The following NSMF variants were observed in gnomAD, a reference collection of about 807,000 sequenced individuals.
NSMF encodes NMDA receptor synaptonuclear signaling and neuronal migration factor.
NSMF carries 31 observed loss-of-function variants against 71.0 expected under a neutral mutation model. That is an observed-to-expected ratio of 0.44 (90% CI 0.33 to 0.59). The LOEUF is 0.59. Among genes scored for constraint, NSMF ranks in the 20% least tolerant of loss-of-function variants. The probability of loss-of-function intolerance (pLI) is 0.04; values close to 1 mark genes in which losing one functional copy is unlikely to be tolerated. For synonymous variants in NSMF, 345 were observed against 287.1 expected (o/e 1.20, Z -2.04); for missense variants, 673 against 740.5 (o/e 0.91, Z 1.06).
In NSMF at chr9:137,455,667, G is replaced by C. The variant is rs1008764968; in HGVS notation, c.705-33C>G. 7 of 1,550,362 alleles carry C rather than the reference G, an allele frequency of 4.5e-6. No individual in the cohort carries two copies. In the South Asian group the frequency reaches 7.1e-5, roughly 16 times the overall value. On this transcript the variant is annotated intron_variant, in intron 4 of 15. Coordinates refer to ENST00000371475, the MANE Select transcript of NSMF (RefSeq NM_001130969.3). ...CAGGGCCAGAAGGGATGGCGTGAGA[G>C]AGAAGACACAGTGAGCTCAACCCCG...
Position 137,450,261 on chromosome 9 carries a change from A to C in NSMF, c.1237-6T>G, listed in dbSNP as rs1384582987. On this transcript the variant is annotated splice_region_variant and splice_polypyrimidine_tract_variant and intron_variant, in intron 12 of 15. Coordinates refer to ENST00000371475, the MANE Select transcript of NSMF (RefSeq NM_001130969.3). The stretch of plus-strand genomic sequence containing the variant: ...TAGAGGTGTCCAGGACCTCCCTGTA[A>C]GAAGCTGTGGTCAGGCATCTGCTCC... The C allele has an allele frequency of 6.2e-7, 1 of 1,612,400 alleles. No homozygotes were observed. The highest frequency in any genetic ancestry group is 1.7e-5 in the Admixed American group (1 of 59,998).
In NSMF at chr9:137,452,544, G is replaced by A. The variant is rs779627909; in HGVS notation, c.1165+9C>T. ...GAACCAGCAGAGAGAAGGCCAATGA[G>A]GCACATACCAAGGATGTCCTCGAAG... On this transcript the variant is annotated intron_variant, in intron 11 of 15. Transcript: ENST00000371475. The A allele has an allele frequency of 8.7e-6, 14 of 1,612,626 alleles. No homozygotes were observed. In the South Asian group the frequency reaches 1.2e-4, roughly 14 times the overall value.
At chr9:137,450,305 G>T (rs375866307) in intron 12 of NSMF, 50 bp from the exon 13 acceptor site, 2 of 1,459,562 alleles carry the variant, frequency 1.4e-6, no homozygotes, top group East Asian at 2.3e-5. Flanking sequence ...CCCCCTCTCC[G>T]ACACACATGC....
At chr9:137,452,699 G>C in intron 10 of NSMF, 37 bp downstream of exon 10, 1 of 1,602,370 alleles carries the variant, frequency 6.2e-7, no homozygotes, top group Non-Finnish European at 8.5e-7. Context: ...GGCCGCAAGA[G>C]GGCATCTGTT....
chr9:137,453,668 G>A lies in NSMF; in HGVS notation c.922+63C>T, dbSNP rs915400365. ...CAGCGGCCCTGGCAGGGGACCCCCAGCAGGGGTCTGGGGTCTAGGGGAGGC... is the reference window on the plus strand; with the variant it reads ...CAGCGGCCCTGGCAGGGGACCCCCAACAGGGGTCTGGGGTCTAGGGGAGGC... On this transcript the variant is annotated intron_variant, in intron 8 of 15. Transcript: ENST00000371475. This position sits in a 1 kb window ranked among gnomAD's most constrained non-coding sequence, Gnocchi z 4.5. The A allele has an allele frequency of 5.2e-6, 7 of 1,338,946 alleles. No homozygotes were observed. The highest frequency in any genetic ancestry group is 2.6e-5 in the South Asian group (2 of 78,408). 82.9% of individuals were successfully genotyped at this position (1,338,946 alleles called of 1,614,324 possible).
At position 137,457,598 on chromosome 9, in the gene NSMF, C is replaced by T. The variant is rs755407060; in HGVS notation, c.437G>A (p.Ser146Asn). 4 of 1,558,610 alleles carry T rather than the reference C, an allele frequency of 2.6e-6. No individual in the cohort carries two copies. The highest frequency in any genetic ancestry group is 3.5e-6 in the Non-Finnish European group (4 of 1,151,546). The change falls in exon 3 of 16, where the codon AGC becomes AAC. Residue 146 changes from serine to asparagine, a missense_variant. Around this residue, in one of 2 missense-constraint regions of NSMF, gnomAD observed 471 missense variants for 459.6 expected, o/e 1.02. Coordinates refer to ENST00000371475, the MANE Select transcript of NSMF (RefSeq NM_001130969.3). ...SQPLRASPGG[S>N]REDVSRPCQS... Reference sequence around the variant, plus strand: ...GCAGGGCCTGCTGACGTCCTCCCGGCTGCCACCAGGGCTGGCGCGCAGGGG... The same window carrying T: ...GCAGGGCCTGCTGACGTCCTCCCGGTTGCCACCAGGGCTGGCGCGCAGGGG...
intron 1 of NSMF, 59 bp from the exon 2 acceptor site, chr9:137,458,608 C>T (rs1830992001): frequency 6.7e-7 from 1 of 1,491,506 alleles, no homozygotes; most frequent in Non-Finnish European, 9.1e-7. Context: ...AAACACCGGG[C>T]CGCGCAAGAG....
intron 12 of NSMF, among the ~76,000 whole-genome samples, chr9:137,450,850 G>A (rs146336168): frequency 0.02 from 252 of 12,914 alleles, 8 homozygotes; most frequent in South Asian, 0.03. Context: ...TGCCCGCCAC[G>A]CCTCTTCCTT....
At position 137,455,616 on chromosome 9, in the gene NSMF, T is replaced by C; in HGVS notation, c.710+13A>G. 3 of 1,550,272 alleles carry C rather than the reference T, an allele frequency of 1.9e-6. No homozygotes were observed. Among genetic ancestry groups the C allele is most frequent in the Middle Eastern group, 1.7e-4 (1 of 5,992 alleles). On this transcript the variant is annotated intron_variant, in intron 5 of 15. Transcript: ENST00000371475. ...AGCTGTGCCCTTAGGCACCAAGTCA[T>C]ACAGGTACTTACGAGATGCTGAAGC...
rs1830602365 is a variant in NSMF, at chr9:137,452,753, T to C, written c.1114A>G (p.Ile372Val). The part of the protein sequence containing the change: ...PTIIRRDDPS[I>V]IPILYDHEHA... Reference sequence around the variant, plus strand: ...GGACTCACGTAGAGGATGGGGATGATGGAGGGGTCATCCCGGCGGATGATA... The same window carrying C: ...GGACTCACGTAGAGGATGGGGATGACGGAGGGGTCATCCCGGCGGATGATA... Residue 372 changes from isoleucine (I) to valine (V), a missense_variant, in exon 10 of 16, where the codon ATC (isoleucine) becomes GTC (valine). Coordinates refer to ENST00000371475, the MANE Select transcript of NSMF (RefSeq NM_001130969.3). The C allele has an allele frequency of 3.1e-6, 5 of 1,606,774 alleles. No individual in the cohort carries two copies. Among genetic ancestry groups the C allele is most frequent in the South Asian group, 1.1e-5 (1 of 90,158 alleles).
In NSMF at chr9:137,448,205, G is replaced by A. The variant is rs1016208088; in HGVS notation, c.*1189C>T. On this transcript the variant is annotated 3_prime_UTR_variant, in exon 16 of 16. Coordinates refer to ENST00000371475, the MANE Select transcript of NSMF (RefSeq NM_001130969.3). The surrounding 1 kb of genome is among the most constrained non-coding windows in gnomAD (Gnocchi z 5.3). ...GGAAGGCCCCTGGAAAGCACTGAGAGGACAGACCCACGCGGCGGCCGCGGT... is the reference window on the plus strand; with the variant it reads ...GGAAGGCCCCTGGAAAGCACTGAGAAGACAGACCCACGCGGCGGCCGCGGT... 2.6e-5 allele frequency: 4 copies of A among 152,742 alleles called. No homozygotes were observed. The highest frequency in any genetic ancestry group is 1.3e-4 in the Admixed American group (2 of 15,288). The allele number at this position is 152,742 out of a possible 1,614,324, so 9.5% of individuals were successfully genotyped here.
rs1839720867 is a variant in NSMF at position 137,448,616 on chromosome 9, T to A, written c.*778A>T. The A allele has an allele frequency of 1.3e-5, 2 of 153,320 alleles. No individual in the cohort carries two copies. Among genetic ancestry groups the A allele is most frequent in the African/African-American group, 4.8e-5 (2 of 41,424 alleles). The allele number at this position is 153,320 out of a possible 1,614,324, so 9.5% of individuals were successfully genotyped here. On this transcript the variant is annotated 3_prime_UTR_variant, in exon 16 of 16. Coordinates refer to ENST00000371475, the MANE Select transcript of NSMF (RefSeq NM_001130969.3). This position sits in a 1 kb window ranked among gnomAD's most constrained non-coding sequence, Gnocchi z 5.3. ...TAAAAGCTGAACTCAACAGCAGCAA[T>A]GAGAGTGCTGGGTGGGCTTGGGGGG...
At position 137,449,684 on chromosome 9, in the gene NSMF, G is replaced by A. The variant is rs1282220439; in HGVS notation, c.1420-10C>T. The A allele has an allele frequency of 6.2e-7, 1 of 1,611,148 alleles. No individual in the cohort carries two copies. The highest frequency in any genetic ancestry group is 1.1e-5 in the South Asian group (1 of 90,764). ...TGAGGTTCTGGAACAGCTGGAGGAA[G>A]CGGGGTGCCATGAGTCCGAGGCAGA... On this transcript the variant is annotated splice_polypyrimidine_tract_variant and intron_variant, in intron 14 of 15. Coordinates refer to ENST00000371475, the MANE Select transcript of NSMF (RefSeq NM_001130969.3).
At position 137,453,673 on chromosome 9, in the gene NSMF, G is replaced by T; in HGVS notation, c.922+58C>A. The T allele has an allele frequency of 1.5e-6, 2 of 1,372,308 alleles. No homozygotes were observed. Among genetic ancestry groups the T allele is most frequent in the Non-Finnish European group, 2.0e-6 (2 of 995,852 alleles). The allele number at this position is 1,372,308 out of a possible 1,614,324, so 85.0% of individuals were successfully genotyped here. A position where few individuals can be genotyped will look rare whatever the true frequency, so the allele number is the denominator to read the frequency against. On this transcript the variant is annotated intron_variant, in intron 8 of 15. Transcript: ENST00000371475. The surrounding 1 kb of genome is among the most constrained non-coding windows in gnomAD (Gnocchi z 4.5). ...GCCCTGGCAGGGGACCCCCAGCAGG[G>T]GTCTGGGGTCTAGGGGAGGCTCTGG...
chr9:137,454,361 C>G, intron 7 of NSMF, 30 bp downstream of exon 7: 1 of 1,544,042 alleles, frequency 6.5e-7, no homozygotes, highest in Non-Finnish European at 8.8e-7. Context: ...CGCAACGCCG[C>G]CCCCCCACCC....
chr9:137,454,345 G>C (rs1433512921), intron 7 of NSMF, 46 bp downstream of exon 7: 1 of 1,530,678 alleles, frequency 6.5e-7, no homozygotes, highest in Admixed American at 2.0e-5. Context: ...GCCCCAACCA[G>C]CCAAGCGCAA....
rs1472637543 is a variant in NSMF at position 137,453,783 on chromosome 9, G to T, written c.870C>A (p.Ser290=). The change falls in exon 8 of 16, where the codon TCC becomes TCA. Residue 290 remains serine, a synonymous_variant. Transcript: ENST00000371475. This position sits in a 1 kb window ranked among gnomAD's most constrained non-coding sequence, Gnocchi z 4.5. ...AERRERSFSR[S]WSDPTPMKAD... is the part of the protein sequence containing the mutation. ...CTTTCATGGGGGTGGGGTCGCTCCA[G>T]GACCGGCTGAAGCTCCGCTCGCGCC... is the stretch of plus-strand genomic sequence containing the variant. 1 of 1,600,354 alleles carries T rather than the reference G, an allele frequency of 6.2e-7. No individual in the cohort carries two copies. The highest frequency in any genetic ancestry group is 1.7e-5 in the Admixed American group (1 of 59,554).
chr9:137,455,837 G>A (rs1326619703), intron 4 of NSMF, among the ~76,000 whole-genome samples: 1 of 152,264 alleles, frequency 6.6e-6, no homozygotes, highest in Non-Finnish European at 1.5e-5. Context: ...TGATGTCACT[G>A]CAGCCCATGC....
At chr9:137,458,448 G>A (rs763713751) in intron 2 of NSMF, 40 bp downstream of exon 2, 15 of 1,529,802 alleles carry the variant, frequency 9.8e-6, no homozygotes, top group Non-Finnish European at 1.2e-5. Flanking sequence ...CTTGGGCTGG[G>A]GGGTCTGGGC....
Sources: allele counts gnomAD v4.1 joint callset (sites outside exome capture counted in the v4.1 genomes callset), GRCh38; gene constraint gnomAD v4.1.1; regional missense constraint gnomAD v4.1.1; non-coding constraint Gnocchi (gnomAD v3.1); transcripts MANE v1.5; gene names NCBI Gene and HGNC (gene_info 2026-07-23, HGNC 2026-07-21).